The following APAF1 variants were observed in gnomAD, a reference collection of about 807,000 sequenced individuals.
APAF1 encodes the protein apoptotic protease-activating factor 1.
A neutral mutation model predicts 152.4 loss-of-function variants in APAF1; 91 were observed. The observed-to-expected ratio is 0.60, with a 90% CI of 0.50 to 0.71. The LOEUF is 0.71. Ranked by LOEUF, APAF1 falls within the 30% of genes least tolerant of loss-of-function variation. The pLI is 0.00. For synonymous variants in APAF1, 484 were observed against 494.1 expected (o/e 0.98, Z 0.27); for missense variants, 1,283 against 1,472.0 (o/e 0.87, Z 2.10).
chr12:98,666,149 T>C, intron 8 of APAF1, 41 bp from the exon 9 acceptor site: 1 of 1,585,220 alleles, frequency 6.3e-7, no homozygotes, highest in African/African-American at 1.3e-5. Flanking sequence ...TCCTGGTCAT[T>C]GTACTTTTGT....
intron 16 of APAF1, among the ~76,000 whole-genome samples, chr12:98,689,435 TGA>T (rs10562439): frequency 0.49 from 72,614 of 147,090 alleles, 17,954 homozygotes; most frequent in Admixed American, 0.57. Context: ...TGTGTGAGGG[TGA>T]GAGAGAGAGA....
chr12:98,649,889 A>G (rs1430862016), intron 4 of APAF1, among the ~76,000 whole-genome samples: 2 of 152,130 alleles, frequency 1.3e-5, no homozygotes, highest in Non-Finnish European at 2.9e-5. Flanking sequence ...AGGAGTTTGG[A>G]GAAAGAATAA....
At chr12:98,673,449 A>AC (rs1365392260) in intron 12 of APAF1, among the ~76,000 whole-genome samples, 2 of 151,882 alleles carry the variant, frequency 1.3e-5, no homozygotes, top group Non-Finnish European at 2.9e-5. Context: ...AAACAAAAAA[A>AC]AAAAAAACAA....
chr12:98,666,208 G>A lies in APAF1; in HGVS notation c.1213G>A (p.Asp405Asn), dbSNP rs867926766. 1 of 1,613,898 alleles carries A rather than the reference G, an allele frequency of 6.2e-7. No homozygotes were observed. The highest frequency in any genetic ancestry group is 8.5e-7 in the Non-Finnish European group (1 of 1,179,890). ...VPTKVLCILW[D>N]METEEVEDIL... ...TTCCTAGGTGTTATGTATTCTCTGG[G>A]ACATGGAAACTGAAGAAGTTGAAGA... Residue 405 changes from aspartate to asparagine, a missense_variant, in exon 9 of 27, where the codon GAC (aspartate) becomes AAC (asparagine). Physicochemically the swap from Asp to Asn is conservative, Grantham distance 23. Coordinates refer to ENST00000551964, the MANE Select transcript of APAF1 (RefSeq NM_181861.2).
Position 98,689,533 on chromosome 12 carries a change from C to T in APAF1, c.2304+2660C>T, listed in dbSNP as rs76362318. On this transcript the variant is annotated intron_variant, in intron 16 of 26. Coordinates refer to ENST00000551964, the MANE Select transcript of APAF1 (RefSeq NM_181861.2). ...CAGGGTCTTACTTTGTCACCCAGGC[C>T]GGAGTGCAGTGGTCTGGGCTAACTA... is the stretch of plus-strand genomic sequence containing the variant. Among the ~76,000 whole-genome samples, 475 of 151,418 alleles carry T rather than the reference C, an allele frequency of 3.1e-3. 4 individuals carry two copies. Among genetic ancestry groups the T allele is most frequent in the African/African-American group, 0.011 (456 of 41,224 alleles).
intron 22 of APAF1, among the ~76,000 whole-genome samples, chr12:98,719,034 C>A (rs1022201650): frequency 3.9e-5 from 6 of 152,196 alleles, no homozygotes; most frequent in African/African-American, 1.4e-4. Context: ...TATCCTCGTT[C>A]TACTCCATTG....
intron 20 of APAF1, among the ~76,000 whole-genome samples, chr12:98,710,807 G>GT (rs1189696895): frequency 6.6e-6 from 1 of 152,224 alleles, no homozygotes. Flanking sequence ...AGACCTAGGT[G>GT]TAAGTTCAGA....
chr12:98,708,538 CA>C, intron 19 of APAF1, 46 bp from the exon 20 acceptor site: 2 of 1,591,734 alleles, frequency 1.3e-6, no homozygotes, highest in Non-Finnish European at 1.7e-6. Context: ...AAGATGAAGA[CA>C]TGTTATTTTA....
chr12:98,673,012 C>T (rs2097682244), intron 12 of APAF1, among the ~76,000 whole-genome samples: 1 of 151,974 alleles, frequency 6.6e-6, no homozygotes, highest in Non-Finnish European at 1.5e-5. Context: ...CCCGCCTCAG[C>T]CTCCCAAAGT....
Position 98,648,451 on chromosome 12 carries a change from G to A in APAF1, c.92G>A (p.Ser31Asn), listed in dbSNP as rs756482718. 13 of 1,613,626 alleles carry A rather than the reference G, an allele frequency of 8.1e-6. No individual in the cohort carries two copies. Among genetic ancestry groups the A allele is most frequent in the Non-Finnish European group, 1.1e-5 (13 of 1,179,592 alleles). Residue 31 changes from serine (S) to asparagine (N), a missense_variant, in exon 2 of 27, where the codon AGT (serine) becomes AAT (asparagine). Transcript: ENST00000551964. ...TCCTACATCATGGATCACATGATTA[G>A]TGATGGATTTTTAACAATATCAGAA... ...KTSYIMDHMI[S>N]DGFLTISEEE...
Position 98,656,589 on chromosome 12 carries a change from GTCT to G in APAF1, c.527-2564_527-2562del, listed in dbSNP as rs750874670. 2.2e-4 allele frequency among the ~76,000 whole-genome samples: 33 copies of G among 152,296 alleles called. No individual in the cohort carries two copies. The East Asian group carries it at 2.7e-3, about 12-fold the overall frequency. On this transcript the variant is annotated intron_variant, in intron 4 of 26. Coordinates refer to ENST00000551964, the MANE Select transcript of APAF1 (RefSeq NM_181861.2). The stretch of plus-strand genomic sequence containing the variant: ...AGTACATTGCCAAATTCTGATCTAA[GTCT>G]TCTTCTGTCATTCCTATGTGTTTCT...
At chr12:98,722,918 T>C (rs999804349) in intron 22 of APAF1, among the ~76,000 whole-genome samples, 2 of 151,892 alleles carry the variant, frequency 1.3e-5, no homozygotes, top group African/African-American at 4.8e-5. Context: ...TTTTTTTTTC[T>C]ATCTTCTGGT....
At chr12:98,715,711 T>G (rs1299457726) in intron 22 of APAF1, among the ~76,000 whole-genome samples, 159 bp downstream of exon 22, 1 of 152,216 alleles carries the variant, frequency 6.6e-6, no homozygotes, top group Non-Finnish European at 1.5e-5. Flanking sequence ...GTGTTTCATA[T>G]TTTTCTGTGG....
At chr12:98,727,980 ATT>A (rs1389335862) in intron 26 of APAF1, among the ~76,000 whole-genome samples, 1 of 144,862 alleles carries the variant, frequency 6.9e-6, no homozygotes, top group African/African-American at 2.5e-5. Flanking sequence ...TAATTAATTA[ATT>A]AATTAAAAAA....
At chr12:98,657,853 T>C (rs1341451702) in intron 4 of APAF1, among the ~76,000 whole-genome samples, 3 of 152,362 alleles carry the variant, frequency 2.0e-5, no homozygotes. Context: ...GTCTGCTTGA[T>C]AGTGTGCTAT....
At chr12:98,649,055 A>G in intron 3 of APAF1, 2 of 744,650 alleles carry the variant, frequency 2.7e-6, no homozygotes, top group Non-Finnish European at 4.2e-6. Context: ...TAATTTTTAG[A>G]GACAATAAGA....
At chr12:98,658,126 C>T (rs773415353) in intron 4 of APAF1, among the ~76,000 whole-genome samples, 20 of 152,020 alleles carry the variant, frequency 1.3e-4, no homozygotes, top group Non-Finnish European at 2.5e-4. Context: ...ATTGATGCTA[C>T]TGGAATGATC....
At chr12:98,675,615 A>G (rs911267755) in intron 12 of APAF1, among the ~76,000 whole-genome samples, 2 of 152,196 alleles carry the variant, frequency 1.3e-5, no homozygotes, top group Non-Finnish European at 2.9e-5. Flanking sequence ...TAGCATTTAC[A>G]TTGTACTAGG....
At position 98,686,772 on chromosome 12, in the gene APAF1, T is replaced by G; in HGVS notation, c.2203T>G (p.Cys735Gly). 6.2e-7 allele frequency: 1 copy of G among 1,613,820 alleles called. No homozygotes were observed. The highest frequency in any genetic ancestry group is 8.5e-7 in the Non-Finnish European group (1 of 1,179,866). Residue 735 changes from cysteine (C) to glycine (G), a missense_variant, in exon 16 of 27, where the codon TGT becomes GGT. Coordinates refer to ENST00000551964, the MANE Select transcript of APAF1 (RefSeq NM_181861.2). ...GCTTTGGGATTTGAATCAAAAAGAA[T>G]GTCGAAATACCATGTTTGGTCATAC... is the stretch of plus-strand genomic sequence containing the variant. ...LKLWDLNQKE[C>G]RNTMFGHTNS...
Sources: allele counts gnomAD v4.1 joint callset (sites outside exome capture counted in the v4.1 genomes callset), GRCh38; gene constraint gnomAD v4.1.1; transcripts MANE v1.5; gene names NCBI Gene and HGNC (gene_info 2026-07-23, HGNC 2026-07-21).